The following KIF16B variants were observed in gnomAD, a reference collection of about 807,000 sequenced individuals.
The protein encoded by KIF16B is kinesin-like protein KIF16B.
In KIF16B, 98 loss-of-function variants were observed where a neutral mutation model predicts 156.3. The observed-to-expected ratio is 0.63, with a 90% CI of 0.53 to 0.74. KIF16B has a LOEUF of 0.74. Ranked by LOEUF, KIF16B falls within the 30% of genes least tolerant of loss-of-function variation. The pLI, the probability that KIF16B is intolerant of heterozygous loss-of-function variation, is 0.00. For missense variants in KIF16B, 1,421 were observed against 1,606.5 expected, an observed-to-expected ratio of 0.88 and a Z score of 1.97; for synonymous variants, 564 against 583.7, an observed-to-expected ratio of 0.97 and a Z score of 0.49.
chr20:16,334,249 G>T (rs966309174), intron 24 of KIF16B, among the ~76,000 whole-genome samples: 2 of 152,198 alleles, frequency 1.3e-5, no homozygotes, highest in Admixed American at 1.3e-4. Flanking sequence ...CGCAAAATCC[G>T]TCCGTTATTA....
chr20:16,414,017 G>C (rs1237519886), intron 15 of KIF16B, among the ~76,000 whole-genome samples: 1 of 151,940 alleles, frequency 6.6e-6, no homozygotes, highest in Non-Finnish European at 1.5e-5. Flanking sequence ...AATAAGTTAT[G>C]ATGATGATAC....
chr20:16,370,178 CAGAGAAACAAGTTAATCAATCA>C (rs2064782115), intron 22 of KIF16B, among the ~76,000 whole-genome samples: 1 of 152,128 alleles, frequency 6.6e-6, no homozygotes, highest in Non-Finnish European at 1.5e-5. Flanking sequence ...GACAATCCAC[CAGAGAAACAAGTTAATCAATCA>C]AGAGTATTTC....
intron 24 of KIF16B, among the ~76,000 whole-genome samples, chr20:16,329,720 T>C (rs894577004): frequency 2.0e-5 from 3 of 152,096 alleles, no homozygotes; most frequent in Admixed American, 1.3e-4. Flanking sequence ...TCTTGCATAA[T>C]ACATGTCAAT....
In KIF16B at chr20:16,379,005, C is replaced by T. The variant is rs8116503; in HGVS notation, c.2997G>A (p.Lys999=). ...CCCGCTCCAGCGCCTCTCTCTGCTGCTTCTCTCTGGACTCCAAAATCTCCT... is the reference window on the plus strand; with the variant it reads ...CCCGCTCCAGCGCCTCTCTCTGCTGTTTCTCTCTGGACTCCAAAATCTCCT... ...KEKEILESRE[K]QQREALERAL... is the part of the protein sequence containing the mutation. The change falls in exon 19 of 26, where the codon AAG becomes AAA. Residue 999 remains lysine, a synonymous_variant. Coordinates refer to ENST00000354981, the MANE Select transcript of KIF16B (RefSeq NM_024704.5). 0.2 allele frequency: 324,265 copies of T among 1,613,432 alleles called. 34,128 individuals carry two copies. The highest frequency in any genetic ancestry group is 0.31 in the African/African-American group (23,320 of 74,958).
intron 2 of KIF16B, among the ~76,000 whole-genome samples, chr20:16,526,439 A>G (rs919319990): frequency 6.6e-6 from 1 of 152,198 alleles, no homozygotes; most frequent in Non-Finnish European, 1.5e-5. Flanking sequence ...AACTCCTAAG[A>G]ACCCAACACT....
intron 24 of KIF16B, among the ~76,000 whole-genome samples, chr20:16,326,160 A>C (rs1178870336): frequency 6.6e-6 from 1 of 152,164 alleles, no homozygotes; most frequent in Non-Finnish European, 1.5e-5. Context: ...AGGATGAATC[A>C]AAGACTTAAA....
chr20:16,300,341 T>C (rs1360178414), intron 25 of KIF16B, among the ~76,000 whole-genome samples: 2 of 152,184 alleles, frequency 1.3e-5, no homozygotes, highest in African/African-American at 4.8e-5. Context: ...TGCTAAGCAG[T>C]GGAAAATACA....
intron 25 of KIF16B, among the ~76,000 whole-genome samples, chr20:16,302,678 C>T (rs1386834839): frequency 6.6e-6 from 1 of 152,160 alleles, no homozygotes. Context: ...TGATTTCCTT[C>T]ATCAGAATTT....
At chr20:16,453,473 A>G (rs1378134171) in intron 12 of KIF16B, among the ~76,000 whole-genome samples, 1 of 152,266 alleles carries the variant, frequency 6.6e-6, no homozygotes, top group Middle Eastern at 3.4e-3. Flanking sequence ...AAACTTCTAC[A>G]TGATTCACAT....
At chr20:16,360,469 T>A (rs953113995) in intron 22 of KIF16B, among the ~76,000 whole-genome samples, 17 of 152,138 alleles carry the variant, frequency 1.1e-4, no homozygotes, top group African/African-American at 3.9e-4. Flanking sequence ...GAAGGGAAAG[T>A]TGATGGCATT....
intron 24 of KIF16B, among the ~76,000 whole-genome samples, chr20:16,322,007 A>G (rs2063778729): frequency 6.6e-6 from 1 of 152,050 alleles, no homozygotes; most frequent in South Asian, 2.1e-4. Flanking sequence ...CAACAGCCCT[A>G]TGGCCTACTT....
chr20:16,292,557 G>A (rs6043873), intron 25 of KIF16B, among the ~76,000 whole-genome samples: 95,912 of 152,030 alleles, frequency 0.63, 30,716 homozygotes, highest in East Asian at 0.99. Context: ...TGGAAAACAA[G>A]TCTGAAAAAG....
intron 21 of KIF16B, among the ~76,000 whole-genome samples, 183 bp from the exon 22 acceptor site, chr20:16,370,819 C>A (rs1174807781): frequency 6.6e-6 from 1 of 152,068 alleles, no homozygotes; most frequent in East Asian, 1.9e-4. Context: ...GATCCATCTG[C>A]CATCAGAGAA....
chr20:16,358,062 G>A (rs991977032), intron 22 of KIF16B, among the ~76,000 whole-genome samples: 6 of 152,120 alleles, frequency 3.9e-5, no homozygotes, highest in African/African-American at 1.2e-4. Flanking sequence ...GGTGGCATGC[G>A]CCTGTAGTCC....
intron 12 of KIF16B, among the ~76,000 whole-genome samples, chr20:16,488,157 G>A (rs531035761): frequency 3.9e-4 from 60 of 152,304 alleles, no homozygotes; most frequent in African/African-American, 1.4e-3. Context: ...AAAAACAAAA[G>A]GGACCTTATT....
chr20:16,505,916 T>G (rs540172607), intron 8 of KIF16B, 63 bp from the exon 9 acceptor site: 2 of 1,606,828 alleles, frequency 1.2e-6, no homozygotes, highest in Non-Finnish European at 1.7e-6. Context: ...TCCTCTACTT[T>G]TGCTTCATAA....
chr20:16,490,247 T>C (rs2068247822), intron 12 of KIF16B, among the ~76,000 whole-genome samples: 1 of 152,188 alleles, frequency 6.6e-6, no homozygotes, highest in Non-Finnish European at 1.5e-5. Context: ...TAATCCAATC[T>C]GACTGGTGTC....
At chr20:16,555,285 C>T (rs1051229544) in intron 1 of KIF16B, among the ~76,000 whole-genome samples, 2 of 152,212 alleles carry the variant, frequency 1.3e-5, no homozygotes, top group African/African-American at 4.8e-5. Context: ...AACATATGAT[C>T]CTCCTCACTG....
At chr20:16,367,792 T>TCTGGCATCAGGAC in intron 22 of KIF16B, 1 of 1,612,654 alleles carries the variant, frequency 6.2e-7, no homozygotes, top group Non-Finnish European at 8.5e-7. Flanking sequence ...GGCATCAGGC[T>TCTGGCATCAGGAC]CTGGCATCAG....
Sources: allele counts gnomAD v4.1 joint callset (sites outside exome capture counted in the v4.1 genomes callset), GRCh38; gene constraint gnomAD v4.1.1; transcripts MANE v1.5; gene names NCBI Gene and HGNC (gene_info 2026-07-23, HGNC 2026-07-21).